Variants in NWD1 observed in about 807,000 individuals in gnomAD.
The protein encoded by NWD1 is NACHT and WD repeat domain containing 1.
In NWD1, 129 loss-of-function variants were observed where a neutral mutation model predicts 135.1. The observed-to-expected ratio is 0.96, with a 90% CI of 0.83 to 1.11. NWD1 has a LOEUF of 1.11. NWD1 is among the 50% of genes least tolerant of loss of function. The pLI, the probability that NWD1 is intolerant of heterozygous loss-of-function variation, is 0.00. For synonymous variants in NWD1, 773 were observed against 786.0 expected (o/e 0.98, Z 0.28); for missense variants, 1,740 against 1,851.3 (o/e 0.94, Z 1.10).
At chr19:16,781,074 G>A (rs1033341933) in intron 12 of NWD1, among the ~76,000 whole-genome samples, 1 of 152,140 alleles carries the variant, frequency 6.6e-6, no homozygotes, top group African/African-American at 2.4e-5. Flanking sequence ...CCTAAGTAAG[G>A]TTGTTTATTT....
intron 18 of NWD1, among the ~76,000 whole-genome samples, chr19:16,812,039 A>G (rs1599570233): frequency 6.6e-6 from 1 of 152,280 alleles, no homozygotes; most frequent in East Asian, 1.9e-4. Flanking sequence ...AAACAGGCAT[A>G]GTGGCTCATG....
chr19:16,743,157 C>T (rs1019663236), intron 4 of NWD1, among the ~76,000 whole-genome samples: 1 of 151,736 alleles, frequency 6.6e-6, no homozygotes, highest in Admixed American at 6.6e-5. Flanking sequence ...ATGATCTGCC[C>T]ACCTCAGCCT....
rs759098401 is a variant in NWD1 at position 16,761,946 on chromosome 19, C to T, written c.1974-33C>T. ...GCCACCTTTGAGCTTGATGGGTCAC[C>T]CAGGTCTATCAGTCTGTATACCCTC... On this transcript the variant is annotated intron_variant, in intron 7 of 18. Coordinates refer to ENST00000524140, the MANE Select transcript of NWD1 (RefSeq NM_001007525.5). 1.4e-5 allele frequency: 22 copies of T among 1,577,832 alleles called. No homozygotes were observed. The Admixed American group carries it at 3.9e-4, about 28-fold the overall frequency.
At chr19:16,770,546 C>T (rs1051162486) in intron 10 of NWD1, among the ~76,000 whole-genome samples, 45 of 152,114 alleles carry the variant, frequency 3.0e-4, no homozygotes, top group African/African-American at 1.1e-3. Flanking sequence ...TTGAGCCCCA[C>T]CGTGTCCATT....
At position 16,759,311 on chromosome 19, in the gene NWD1, C is replaced by G. The variant is rs763266746; in HGVS notation, c.1856C>G (p.Pro619Arg). The change falls in exon 7 of 19, where the codon CCC becomes CGC. Residue 619 changes from proline (P) to arginine (R), a missense_variant. Physicochemically the swap from Pro to Arg is moderately radical, Grantham distance 103. Coordinates refer to ENST00000524140, the MANE Select transcript of NWD1 (RefSeq NM_001007525.5). ...LQDVYRDWTP[P>R]SKELLRFPPL... ...GATGTGTACCGAGATTGGACCCCGC[C>G]CAGCAAGGAGCTGCTGCGCTTCCCG... 5 of 1,613,878 alleles carry G rather than the reference C, an allele frequency of 3.1e-6. No homozygotes were observed. Among genetic ancestry groups the G allele is most frequent in the Non-Finnish European group, 3.4e-6 (4 of 1,179,904 alleles).
At chr19:16,744,960 C>T in intron 5 of NWD1, 1 of 648,506 alleles carries the variant, frequency 1.5e-6, no homozygotes, top group Non-Finnish European at 2.8e-6. Context: ...TCTTGTCTCC[C>T]AGGGAGGTTC....
At chr19:16,768,744 A>C (rs1223199136) in intron 10 of NWD1, among the ~76,000 whole-genome samples, 1 of 152,192 alleles carries the variant, frequency 6.6e-6, no homozygotes, top group Admixed American at 6.6e-5. Flanking sequence ...TGTGAGCTGA[A>C]TTCACAAAGG....
chr19:16,800,175 T>C lies in NWD1; in HGVS notation c.3736+13T>C, dbSNP rs1263616138. On this transcript the variant is annotated intron_variant, in intron 17 of 18. Coordinates refer to ENST00000524140, the MANE Select transcript of NWD1 (RefSeq NM_001007525.5). Reference sequence around the variant, plus strand: ...GACTTGGCAGAAGGTTGGTAAGGTATAAGTATGGTCATTTTTGTGGGTAAG... The same window carrying C: ...GACTTGGCAGAAGGTTGGTAAGGTACAAGTATGGTCATTTTTGTGGGTAAG... 3 of 1,591,176 alleles carry C rather than the reference T, an allele frequency of 1.9e-6. No homozygotes were observed. The highest frequency in any genetic ancestry group is 2.6e-6 in the Non-Finnish European group (3 of 1,166,658).
chr19:16,784,973 C>A (rs938406847), intron 12 of NWD1, among the ~76,000 whole-genome samples: 1 of 151,502 alleles, frequency 6.6e-6, no homozygotes, highest in African/African-American at 2.4e-5. Context: ...ACAGCAGTCA[C>A]CAGGGGCCAC....
chr19:16,720,265 A>G lies in NWD1; in HGVS notation c.-133A>G, dbSNP rs1967089005. The G allele has an allele frequency of 6.6e-6, 1 of 152,258 alleles. No individual in the cohort carries two copies. The highest frequency in any genetic ancestry group is 6.6e-5 in the Admixed American group (1 of 15,264). The allele number at this position is 152,258 out of a possible 1,614,324, so 9.4% of individuals were successfully genotyped here. A position where few individuals can be genotyped will look rare whatever the true frequency, so the allele number is the denominator to read the frequency against. On this transcript the variant is annotated 5_prime_UTR_variant, in exon 1 of 19. Transcript: ENST00000524140. ...TCACTTTCTCGTGGGACAGACAAAC[A>G]ATAACATGTAGAAACATATCAGCTG...
intron 10 of NWD1, among the ~76,000 whole-genome samples, chr19:16,769,290 C>T (rs1338585699): frequency 6.6e-6 from 1 of 151,884 alleles, no homozygotes; most frequent in African/African-American, 2.4e-5. Context: ...GGTGAAACCC[C>T]ATCTCTACTA....
chr19:16,749,634 G>A lies in NWD1; in HGVS notation c.992G>A (p.Ser331Asn). Residue 331 changes from serine to asparagine, a missense_variant, in exon 6 of 19, where the codon AGC (serine) becomes AAC (asparagine). Coordinates refer to ENST00000524140, the MANE Select transcript of NWD1 (RefSeq NM_001007525.5). ...RLGQQLRHDD[S>N]KQHTPLVLFG... is the part of the protein sequence containing the mutation. ...GGGCAGCAGCTCAGGCACGATGACA[G>A]CAAGCAGCACACCCCCCTGGTACTC... 6.2e-7 allele frequency: 1 copy of A among 1,609,844 alleles called. No individual in the cohort carries two copies. Among genetic ancestry groups the A allele is most frequent in the Non-Finnish European group, 8.5e-7 (1 of 1,177,118 alleles).
chr19:16,764,355 T>C (rs909913035), intron 9 of NWD1, among the ~76,000 whole-genome samples: 2 of 142,350 alleles, frequency 1.4e-5, no homozygotes, highest in Non-Finnish European at 3.0e-5. Flanking sequence ...CATCCACCCA[T>C]CTTCTGTCCA....
chr19:16,734,734 C>CTATTTATT (rs58756047), intron 3 of NWD1, among the ~76,000 whole-genome samples: 32,835 of 141,550 alleles, frequency 0.23, 4,287 homozygotes, highest in African/African-American at 0.29. Flanking sequence ...CTACACCTGG[C>CTATTTATT]TATTTATTTA....
intron 15 of NWD1, among the ~76,000 whole-genome samples, chr19:16,796,951 G>A (rs1222514945): frequency 6.6e-6 from 1 of 152,152 alleles, no homozygotes; most frequent in East Asian, 1.9e-4. Flanking sequence ...GTCCGAGGTG[G>A]GCGGATCACT....
rs761682934 is a variant in NWD1, at chr19:16,779,375, A to G, written c.2641A>G (p.Lys881Glu). The change falls in exon 12 of 19, where the codon AAG (lysine) becomes GAG (glutamate). Residue 881 changes from lysine to glutamate, a missense_variant. Physicochemically the swap from Lys to Glu is moderately conservative, Grantham distance 56. Coordinates refer to ENST00000524140, the MANE Select transcript of NWD1 (RefSeq NM_001007525.5). ...ITAMAWGVEE[K>E]LLVIGTQDGI... Reference sequence around the variant, plus strand: ...CGCCATGGCATGGGGTGTGGAGGAGAAGCTGCTGGTGATTGGCACCCAGGA... The same window carrying G: ...CGCCATGGCATGGGGTGTGGAGGAGGAGCTGCTGGTGATTGGCACCCAGGA... 6.2e-7 allele frequency: 1 copy of G among 1,613,756 alleles called. No homozygotes were observed. Among genetic ancestry groups the G allele is most frequent in the Non-Finnish European group, 8.5e-7 (1 of 1,179,940 alleles).
rs777897918 is a variant in NWD1 at position 16,762,133 on chromosome 19, C to A, written c.2128C>A (p.Arg710=). 6.2e-7 allele frequency: 1 copy of A among 1,612,528 alleles called. No homozygotes were observed. The highest frequency in any genetic ancestry group is 1.1e-5 in the South Asian group (1 of 90,994). Residue 710 remains arginine (R), a synonymous_variant, in exon 8 of 19, where the codon CGA becomes AGA. Transcript: ENST00000524140. ...TGTGGGGAAACCACTGAACTTGGACCGAAAGGTGAGGTACCTGGGACCCCC... is the reference window on the plus strand; with the variant it reads ...TGTGGGGAAACCACTGAACTTGGACAGAAAGGTGAGGTACCTGGGACCCCC... ...PLVGKPLNLD[R]KVAPQPLWFS...
At position 16,773,279 on chromosome 19, in the gene NWD1, C is replaced by A. The variant is rs1969479761; in HGVS notation, c.2564C>A (p.Pro855His). 1.9e-6 allele frequency: 3 copies of A among 1,613,270 alleles called. No homozygotes were observed. The highest frequency in any genetic ancestry group is 2.5e-6 in the Non-Finnish European group (3 of 1,179,962). ...GTGCCCCTCGGAGGATTCCTCCAGC[C>A]CCCGGGAGGACCCCTCCGGGCAACT... is the stretch of plus-strand genomic sequence containing the variant. ...VLVPLGGFLQPPGGPLRATLS... is the reference protein window; with the variant it reads ...VLVPLGGFLQHPGGPLRATLS... The change falls in exon 11 of 19, where the codon CCC becomes CAC. Residue 855 changes from proline (P) to histidine (H), a missense_variant. Physicochemically the swap from Pro to His is moderately conservative, Grantham distance 77. Transcript: ENST00000524140.
In NWD1 at chr19:16,759,361, C is replaced by A. The variant is rs777657124; in HGVS notation, c.1906C>A (p.Arg636=). Reference sequence around the variant, plus strand: ...GCCCCTGCTGTGGGTGCGGCTTCGTCGGGATCTGGGATACTACTTGGCCCG... The same window carrying A: ...GCCCCTGCTGTGGGTGCGGCTTCGTAGGGATCTGGGATACTACTTGGCCCG... The part of the protein sequence containing the change: ...FPPLLWVRLR[R]DLGYYLARRP... Residue 636 remains arginine, a synonymous_variant, in exon 7 of 19, where the codon CGG becomes AGG. Coordinates refer to ENST00000524140, the MANE Select transcript of NWD1 (RefSeq NM_001007525.5). The A allele has an allele frequency of 7.1e-5, 114 of 1,612,148 alleles. No homozygotes were observed. The highest frequency in any genetic ancestry group is 9.3e-5 in the Non-Finnish European group (110 of 1,179,342).
Sources: gnomAD v4.1 joint callset for allele counts (sites outside exome capture counted in the v4.1 genomes callset) on GRCh38, gnomAD v4.1.1 for gene constraint, MANE v1.5 for transcripts, NCBI Gene and HGNC (gene_info 2026-07-23, HGNC 2026-07-21) for gene names.